Variants in PPARGC1A observed in about 807,000 individuals in gnomAD.
PPARGC1A encodes the protein PPARG coactivator 1 alpha.
PPARGC1A carries 25 observed loss-of-function variants against 88.7 expected under a neutral mutation model. That is an observed-to-expected ratio of 0.28 (90% CI 0.21 to 0.39). The LOEUF is 0.39. PPARGC1A is among the 10% of genes least tolerant of loss of function. The probability of loss-of-function intolerance (pLI) is 1.00; values close to 1 mark genes in which losing one functional copy is unlikely to be tolerated. For missense variants in PPARGC1A, 880 were observed against 968.7 expected (o/e 0.91, Z 1.22); for synonymous variants, 363 against 355.6 (o/e 1.02, Z -0.24).
chr4:24,316,662 C>T, the PPARGC1A span, among the ~76,000 whole-genome samples: 1 of 152,348 alleles, frequency 6.6e-6, no homozygotes, highest in South Asian at 2.1e-4. Context: ...CATGCAAGAC[C>T]TTGGCCTTTG....
chr4:24,284,162 G>A, the PPARGC1A span, among the ~76,000 whole-genome samples: 67 of 151,704 alleles, frequency 4.4e-4, no homozygotes, highest in African/African-American at 1.6e-3. Context: ...AGCTGGGCGT[G>A]GTGGGGCAGG....
At chr4:24,217,529 A>G in the PPARGC1A span, among the ~76,000 whole-genome samples, 12 of 152,046 alleles carry the variant, frequency 7.9e-5, no homozygotes, top group African/African-American at 2.9e-4. Flanking sequence ...GAGGCTAGGC[A>G]TGGGGGCTTA....
At chr4:24,384,524 C>T in the PPARGC1A span, among the ~76,000 whole-genome samples, 74 of 124,784 alleles carry the variant, frequency 5.9e-4, no homozygotes, top group African/African-American at 1.8e-3. Context: ...TCAAAATAAA[C>T]GGATGGAGGA....
the PPARGC1A span, among the ~76,000 whole-genome samples, chr4:23,956,149 A>G: frequency 6.6e-6 from 1 of 152,270 alleles, no homozygotes; most frequent in Admixed American, 6.5e-5. Context: ...ATTAGCTTAC[A>G]GACTACACAA....
At chr4:24,394,795 T>C in the PPARGC1A span, among the ~76,000 whole-genome samples, 2 of 152,198 alleles carry the variant, frequency 1.3e-5, no homozygotes, top group African/African-American at 4.8e-5. Flanking sequence ...TAAATGATGA[T>C]ACACCATCAC....
At chr4:24,185,374 TAC>T in the PPARGC1A span, among the ~76,000 whole-genome samples, 1 of 152,184 alleles carries the variant, frequency 6.6e-6, no homozygotes, top group Non-Finnish European at 1.5e-5. Flanking sequence ...GGCTCATATT[TAC>T]AAAGCAAACC....
the PPARGC1A span, among the ~76,000 whole-genome samples, chr4:24,175,415 C>A: frequency 6.9e-6 from 1 of 145,092 alleles, no homozygotes; most frequent in African/African-American, 2.5e-5. Flanking sequence ...ACTTTTGTCA[C>A]CCAGGCTGGA....
chr4:24,237,391 G>A, the PPARGC1A span, among the ~76,000 whole-genome samples: 2 of 152,086 alleles, frequency 1.3e-5, no homozygotes, highest in Non-Finnish European at 1.5e-5. Flanking sequence ...TTTAATTACA[G>A]TATTGTACTT....
the PPARGC1A span, among the ~76,000 whole-genome samples, chr4:24,145,074 AATGAGTGTGTGT>A: frequency 8.3e-6 from 1 of 119,896 alleles, no homozygotes; most frequent in African/African-American, 3.7e-5. Flanking sequence ...ACTAGTGTTG[AATGAGTGTGTGT>A]GTGTGTGTGT....
the PPARGC1A span, among the ~76,000 whole-genome samples, chr4:24,085,990 T>C: frequency 6.6e-6 from 1 of 152,182 alleles, no homozygotes; most frequent in Non-Finnish European, 1.5e-5. Context: ...CCAACAGCTC[T>C]TGGCACAGAG....
chr4:23,837,855 G>T (rs937124340), intron 2 of PPARGC1A, among the ~76,000 whole-genome samples: 3 of 152,118 alleles, frequency 2.0e-5, no homozygotes, highest in African/African-American at 7.2e-5. Context: ...TCTCTTTCTT[G>T]AATCTCCATA....
At chr4:24,052,906 C>G in the PPARGC1A span, among the ~76,000 whole-genome samples, 3 of 138,292 alleles carry the variant, frequency 2.2e-5, no homozygotes, top group African/African-American at 8.2e-5. Flanking sequence ...CTCTCTCACC[C>G]AGGCTGAAGT....
the PPARGC1A span, among the ~76,000 whole-genome samples, chr4:23,910,206 TAC>T: frequency 1.2e-5 from 1 of 81,560 alleles, no homozygotes; most frequent in Non-Finnish European, 2.9e-5. Flanking sequence ...TAAAAATTTA[TAC>T]ATATATAATA....
At chr4:24,010,926 T>C in the PPARGC1A span, among the ~76,000 whole-genome samples, 17 of 152,130 alleles carry the variant, frequency 1.1e-4, no homozygotes, top group African/African-American at 4.1e-4. Context: ...CCGTGAGTGA[T>C]AATTTTCACT....
chr4:24,267,050 TA>T, the PPARGC1A span, among the ~76,000 whole-genome samples: 1 of 152,178 alleles, frequency 6.6e-6, no homozygotes, highest in Non-Finnish European at 1.5e-5. Flanking sequence ...AGCCACTTTC[TA>T]AAAATTGGAT....
chr4:24,061,338 G>A, the PPARGC1A span, among the ~76,000 whole-genome samples: 3 of 152,202 alleles, frequency 2.0e-5, no homozygotes, highest in Admixed American at 2.0e-4. Context: ...GGCAACTCAG[G>A]AAAAGCATCC....
the PPARGC1A span, among the ~76,000 whole-genome samples, chr4:24,005,106 C>CTA: frequency 3.9e-5 from 6 of 152,080 alleles, no homozygotes; most frequent in African/African-American, 1.2e-4. Flanking sequence ...TCCTAGGTCC[C>CTA]TAGGTTATTC....
At chr4:24,357,655 A>G in the PPARGC1A span, among the ~76,000 whole-genome samples, 8 of 152,194 alleles carry the variant, frequency 5.3e-5, no homozygotes, top group East Asian at 1.5e-3. Flanking sequence ...TGTAGCTCCC[A>G]TAATTCCCAC....
chr4:24,230,011 C>T, the PPARGC1A span, among the ~76,000 whole-genome samples: 1 of 152,176 alleles, frequency 6.6e-6, no homozygotes, highest in African/African-American at 2.4e-5. Context: ...CATCAAAACT[C>T]ATTACCACTC....
Sources: allele counts gnomAD v4.1 joint callset (sites outside exome capture counted in the v4.1 genomes callset), GRCh38; gene constraint gnomAD v4.1.1; transcripts MANE v1.5; gene names NCBI Gene and HGNC (gene_info 2026-07-23, HGNC 2026-07-21).